KIR2DL1: variants seen among roughly 807,000 people sequenced by gnomAD.
The protein encoded by KIR2DL1 is killer cell immunoglobulin like receptor, two Ig domains and long cytoplasmic tail 1, also known as killer cell immunoglobulin-like receptor 2DL1.
Under a neutral mutation model 33.9 loss-of-function variants are expected in KIR2DL1, and 38 were observed. The ratio of observed to expected loss-of-function variants is 1.12; its 90% CI spans 0.86 to 1.47. The LOEUF (loss-of-function observed/expected upper bound fraction) is 1.47. Ranked by LOEUF, KIR2DL1 falls within the 40% of genes most tolerant of loss-of-function variation. The pLI, the probability that KIR2DL1 is intolerant of heterozygous loss-of-function variation, is 0.00. For synonymous variants in KIR2DL1, 179 were observed against 165.9 expected (o/e 1.08, Z -0.61); for missense variants, 531 against 433.9 (o/e 1.22, Z -1.99).
intron 1 of KIR2DL1, 129 bp from the exon 2 acceptor site, chr19:54,770,720 A>G: frequency 6.9e-6 from 9 of 1,302,672 alleles, no homozygotes; most frequent in South Asian, 3.5e-5. Context: ...GGGTGCAGGT[A>G]GGCACTGAGG....
intron 2 of KIR2DL1, among the ~76,000 whole-genome samples, chr19:54,771,958 C>A (rs1333171020): frequency 6.8e-6 from 1 of 147,774 alleles, no homozygotes; most frequent in South Asian, 2.1e-4. Flanking sequence ...TCCTGGTGGG[C>A]GTGTCCTTGC....
intron 4 of KIR2DL1, among the ~76,000 whole-genome samples, chr19:54,775,887 T>C (rs2076272070): frequency 6.7e-6 from 1 of 148,204 alleles, no homozygotes; most frequent in South Asian, 2.1e-4. Context: ...CTATATAGCT[T>C]ACCACTTTTA....
chr19:54,783,695 T>G lies in KIR2DL1; in HGVS notation c.929T>G (p.Phe310Cys), dbSNP rs1361634712. The part of the protein sequence containing the change: ...VTYTQLNHCV[F>C]TQRKITRPSQ... ...TACACACAGTTGAATCACTGCGTTT[T>G]CACACAGAGAAAAATCACTCGCCCT... Residue 310 changes from phenylalanine to cysteine, a missense_variant, in exon 8 of 8, where the codon TTC (phenylalanine) becomes TGC (cysteine). Phe to Cys is a radical substitution (Grantham distance 205, BLOSUM62 -2). Transcript: ENST00000336077. 1 of 1,613,922 alleles carries G rather than the reference T, an allele frequency of 6.2e-7. No homozygotes were observed. The highest frequency in any genetic ancestry group is 8.5e-7 in the Non-Finnish European group (1 of 1,179,968).
rs201225013 is a variant in KIR2DL1 at position 54,769,872 on chromosome 19, A to G, written c.22A>G (p.Met8Val). The G allele has an allele frequency of 3.0e-4, 463 of 1,569,278 alleles. 41 individuals are homozygous for G. In the Middle Eastern group the frequency reaches 3.7e-3, roughly 13 times the overall value. Reference protein sequence around the residue: MSLLVVSMACVGFFLLQG... With the variant: MSLLVVSVACVGFFLLQG... ...CACCATGTCGCTCTTGGTCGTCAGC[A>G]TGGCGTGTGTTGGTGAGTCCTGGAA... The change falls in exon 1 of 8, where the codon ATG becomes GTG. Residue 8 changes from methionine to valine, a missense_variant. By Grantham distance (21) the Met-to-Val change is conservative (BLOSUM62 1). Coordinates refer to ENST00000336077, the MANE Select transcript of KIR2DL1 (RefSeq NM_014218.3).
At chr19:54,779,318 G>T (rs1007311190) in intron 5 of KIR2DL1, among the ~76,000 whole-genome samples, 1 of 148,886 alleles carries the variant, frequency 6.7e-6, no homozygotes, top group African/African-American at 2.5e-5. Flanking sequence ...TAAAATCAAG[G>T]TGACAGCAAG....
chr19:54,784,173 C>G lies in KIR2DL1; in HGVS notation c.*360C>G, dbSNP rs2077419268. The G allele has an allele frequency of 2.3e-6, 1 of 442,862 alleles. No individual in the cohort carries two copies. The highest frequency in any genetic ancestry group is 4.1e-6 in the Non-Finnish European group (1 of 245,214). The allele number at this position is 442,862 out of a possible 1,614,324, so 27.4% of individuals were successfully genotyped here. ...TACAAGAGGCTCCCTCTTAACGCAGCACTTAGACACGTGTTGTTCCACCTT... is the reference window on the plus strand; with the variant it reads ...TACAAGAGGCTCCCTCTTAACGCAGGACTTAGACACGTGTTGTTCCACCTT... On this transcript the variant is annotated 3_prime_UTR_variant, in exon 8 of 8. Transcript: ENST00000336077.
Position 54,774,195 on chromosome 19 carries a change from C to T in KIR2DL1, c.370+563C>T, listed in dbSNP as rs1169457645. Among the ~76,000 whole-genome samples the T allele has an allele frequency of 2.7e-5, 4 of 148,606 alleles. 1 individual carries two copies. The highest frequency in any genetic ancestry group is 4.5e-5 in the Non-Finnish European group (3 of 66,322). On this transcript the variant is annotated intron_variant, in intron 3 of 7. Coordinates refer to ENST00000336077, the MANE Select transcript of KIR2DL1 (RefSeq NM_014218.3). ...AGTCTCCAGACTGGATTCTGAGGCT[C>T]ATATTCCAAATAAGCCCACTTATGA...
intron 1 of KIR2DL1, among the ~76,000 whole-genome samples, chr19:54,770,206 G>C (rs1286661196): frequency 1.4e-5 from 2 of 141,816 alleles, no homozygotes; most frequent in African/African-American, 5.2e-5. Flanking sequence ...GTGGAGTCAT[G>C]GGCCTGGAGG....
At position 54,772,078 on chromosome 19, in the gene KIR2DL1, A is replaced by G. The variant is rs796995924; in HGVS notation, c.70+1194A>G. On this transcript the variant is annotated intron_variant, in intron 2 of 7. Transcript: ENST00000336077. ...TTGTCCCCAGTGATGACTACATTCT[A>G]ATCCCTGGAGTCTGTGACTATTTAT... 1.3e-4 allele frequency among the ~76,000 whole-genome samples: 20 copies of G among 148,222 alleles called. 1 individual carries two copies. The highest frequency in any genetic ancestry group is 4.7e-4 in the African/African-American group (19 of 40,664).
At chr19:54,780,836 T>C (rs1316778924) in intron 5 of KIR2DL1, among the ~76,000 whole-genome samples, 2 of 121,830 alleles carry the variant, frequency 1.6e-5, no homozygotes, top group African/African-American at 6.3e-5. Context: ...GGCAAAGGAG[T>C]GACAGATATA....
intron 4 of KIR2DL1, among the ~76,000 whole-genome samples, chr19:54,776,276 C>G (rs1377701222): frequency 4.7e-5 from 7 of 147,546 alleles, no homozygotes; most frequent in African/African-American, 1.7e-4. Flanking sequence ...ACCCTCCACC[C>G]TTTTCTTCCT....
Position 54,776,453 on chromosome 19 carries a change from T to A in KIR2DL1, c.664+995T>A, listed in dbSNP as rs1213357971. Among the ~76,000 whole-genome samples the A allele has an allele frequency of 5.5e-5, 8 of 146,350 alleles. No homozygotes were observed. In the South Asian group the frequency reaches 1.3e-3, roughly 24 times the overall value. The stretch of plus-strand genomic sequence containing the variant: ...ATGGATGAGTAGTCTCCACTGTGCG[T>A]ATGTACTACATTCTCTCTATCCATT... On this transcript the variant is annotated intron_variant, in intron 4 of 7. Transcript: ENST00000336077.
At chr19:54,770,915 T>A (rs1348637031) in intron 2 of KIR2DL1, 31 bp downstream of exon 2, 1 of 1,574,460 alleles carries the variant, frequency 6.4e-7, no homozygotes, top group Admixed American at 1.7e-5. Flanking sequence ...TCGGGTGTCA[T>A]CTCCCCACAT....
chr19:54,773,189 G>C, intron 2 of KIR2DL1, 144 bp from the exon 3 acceptor site: 1 of 1,036,860 alleles, frequency 9.6e-7, no homozygotes, highest in East Asian at 2.5e-5. Context: ...TGCACCAGGA[G>C]TTATGGGCAC....
intron 3 of KIR2DL1, among the ~76,000 whole-genome samples, chr19:54,774,327 TAAAG>T (rs1247341587): frequency 7.5e-6 from 1 of 134,122 alleles, no homozygotes; most frequent in Non-Finnish European, 1.7e-5. Flanking sequence ...CACAGACACA[TAAAG>T]AGAGAGAAAA....
chr19:54,778,250 C>T (rs1272477734), intron 4 of KIR2DL1, among the ~76,000 whole-genome samples: 6 of 149,404 alleles, frequency 4.0e-5, no homozygotes, highest in Non-Finnish European at 6.0e-5. Context: ...CAGAGCAAGA[C>T]TCCATCTCAA....
rs374843727 is a variant in KIR2DL1 at position 54,769,828 on chromosome 19, T to G, written c.-23T>G. 26 of 1,497,234 alleles carry G rather than the reference T, an allele frequency of 1.7e-5. 1 individual carries two copies. Among genetic ancestry groups the G allele is most frequent in the Middle Eastern group, 3.5e-4 (2 of 5,716 alleles). The allele number at this position is 1,497,234 out of a possible 1,614,324, so 92.7% of individuals were successfully genotyped here. ...CTGCTGAGCTGAGCTCGGTCGCGGCTGCCTGTCTGCTCCGGCAGCACCATG... is the reference window on the plus strand; with the variant it reads ...CTGCTGAGCTGAGCTCGGTCGCGGCGGCCTGTCTGCTCCGGCAGCACCATG... On this transcript the variant is annotated 5_prime_UTR_variant, in exon 1 of 8. Transcript: ENST00000336077.
rs1384829746 is a variant in KIR2DL1 at position 54,782,036 on chromosome 19, C to T, written c.716-886C>T. 4.6e-3 allele frequency among the ~76,000 whole-genome samples: 702 copies of T among 152,040 alleles called. 7 individuals are homozygous for T. Among genetic ancestry groups the T allele is most frequent in the African/African-American group, 0.016 (668 of 41,418 alleles). ...AGGTTCATTACTAACAGATAAGCAGCGAGTGACAACAGAAACCTATATTTC... is the reference window on the plus strand; with the variant it reads ...AGGTTCATTACTAACAGATAAGCAGTGAGTGACAACAGAAACCTATATTTC... On this transcript the variant is annotated intron_variant, in intron 5 of 7. Transcript: ENST00000336077.
At chr19:54,782,849 C>A (rs1266702115) in intron 5 of KIR2DL1, 73 bp from the exon 6 acceptor site, 2 of 1,534,314 alleles carry the variant, frequency 1.3e-6, no homozygotes, top group Non-Finnish European at 1.8e-6. Context: ...ACCTGTCAAT[C>A]AAGAAATGCG....
Sources: gnomAD v4.1 joint callset for allele counts (sites outside exome capture counted in the v4.1 genomes callset) on GRCh38, gnomAD v4.1.1 for gene constraint, MANE v1.5 for transcripts, NCBI Gene and HGNC (gene_info 2026-07-23, HGNC 2026-07-21) for gene names.